UCHL5: variants seen among roughly 807,000 people sequenced by gnomAD.
UCHL5 encodes the protein ubiquitin C-terminal hydrolase L5.
UCHL5 carries 34 observed loss-of-function variants against 53.8 expected under a neutral mutation model. The observed-to-expected ratio is 0.63, with a 90% CI of 0.48 to 0.84. The LOEUF (loss-of-function observed/expected upper bound fraction) is 0.84, where lower values mean the gene tolerates loss of function less well. UCHL5 is among the 40% of genes least tolerant of loss of function. The pLI is 0.00. For synonymous variants in UCHL5, 111 were observed against 126.3 expected (o/e 0.88, Z 0.81); for missense variants, 290 against 385.6 (o/e 0.75, Z 2.08).
chr1:193,017,291 A>G (rs1655185697), intron 10 of UCHL5, among the ~76,000 whole-genome samples: 2 of 151,856 alleles, frequency 1.3e-5, no homozygotes, highest in South Asian at 4.1e-4. Flanking sequence ...AGACTTCTAC[A>G]TTATACAACT....
At chr1:193,043,161 A>AAAAAAAAAAAAAAAC (rs1666214936) in intron 3 of UCHL5, among the ~76,000 whole-genome samples, 1 of 143,620 alleles carries the variant, frequency 7.0e-6, no homozygotes, top group South Asian at 2.2e-4. Flanking sequence ...TAAAAAAAAA[A>AAAAAAAAAAAAAAAC]AAAAAAAAAA....
intron 3 of UCHL5, among the ~76,000 whole-genome samples, chr1:193,041,596 T>A (rs1288992894): frequency 6.6e-6 from 1 of 152,206 alleles, no homozygotes; most frequent in Non-Finnish European, 1.5e-5. Flanking sequence ...CACATTTACA[T>A]ATTAGATGAA....
intron 3 of UCHL5, among the ~76,000 whole-genome samples, chr1:193,035,846 T>G (rs2102571904): frequency 6.6e-6 from 1 of 152,074 alleles, no homozygotes; most frequent in East Asian, 1.9e-4. Context: ...AGTCAAAATA[T>G]AAGGGGTAAA....
At chr1:193,051,267 G>A (rs759708217) in intron 2 of UCHL5, among the ~76,000 whole-genome samples, 1 of 152,014 alleles carries the variant, frequency 6.6e-6, no homozygotes, top group Non-Finnish European at 1.5e-5. Flanking sequence ...GAAAGATGGG[G>A]GAAGGAGAAA....
At position 193,048,206 on chromosome 1, in the gene UCHL5, T is replaced by C. The variant is rs879857039; in HGVS notation, c.246+1540A>G. On this transcript the variant is annotated intron_variant, in intron 3 of 10. Coordinates refer to ENST00000367454, the MANE Select transcript of UCHL5 (RefSeq NM_001199261.3). ...TCCAGACAAGGATATCTGGCACATA[T>C]TTTCTTAAAAATGAGTTAAATCAGT... 1.1e-4 allele frequency among the ~76,000 whole-genome samples: 16 copies of C among 152,310 alleles called. No homozygotes were observed. In the East Asian group the frequency reaches 3.1e-3, roughly 29 times the overall value.
At chr1:193,059,754 A>C, upstream of UCHL5, 1 of 1,355,834 alleles carries the variant, frequency 7.4e-7, no homozygotes, top group Non-Finnish European at 9.8e-7. The surrounding 1 kb of genome is among the most constrained non-coding windows in gnomAD (Gnocchi z 4.9). Context: ...CTGCGGATCC[A>C]GGGGGTCGGC....
chr1:193,056,468 CT>C (rs527740262), intron 1 of UCHL5, among the ~76,000 whole-genome samples: 1 of 152,102 alleles, frequency 6.6e-6, no homozygotes, highest in Non-Finnish European at 1.5e-5. Context: ...AAAAATGAAT[CT>C]AGTCCCCATT....
chr1:193,040,315 A>G (rs1477271524), intron 3 of UCHL5, among the ~76,000 whole-genome samples: 1 of 152,206 alleles, frequency 6.6e-6, no homozygotes, highest in Non-Finnish European at 1.5e-5. Flanking sequence ...GATAAAAAAA[A>G]TCAGATTTAA....
chr1:193,054,713 C>T (rs1450238520), intron 1 of UCHL5, among the ~76,000 whole-genome samples: 2 of 152,176 alleles, frequency 1.3e-5, no homozygotes, highest in Non-Finnish European at 2.9e-5. Context: ...GAAAGCCAGG[C>T]ATTATCTCTT....
intron 3 of UCHL5, 50 bp from the exon 4 acceptor site, chr1:193,029,707 T>C: frequency 6.7e-7 from 1 of 1,483,196 alleles, no homozygotes; most frequent in Non-Finnish European, 9.0e-7. Flanking sequence ...AAATAAAAAA[T>C]GGTTTTTAAC....
At chr1:193,031,105 A>G (rs1434083044) in intron 3 of UCHL5, among the ~76,000 whole-genome samples, 1 of 152,200 alleles carries the variant, frequency 6.6e-6, no homozygotes, top group African/African-American at 2.4e-5. Flanking sequence ...ACAGTTCTTT[A>G]GTAAATTTGG....
intron 1 of UCHL5, among the ~76,000 whole-genome samples, chr1:193,052,367 C>T (rs2102873431): frequency 6.6e-6 from 1 of 152,194 alleles, no homozygotes; most frequent in South Asian, 2.1e-4. Flanking sequence ...GAACATTTGG[C>T]AATGATAGAC....
chr1:193,041,819 A>G (rs536761079), intron 3 of UCHL5, among the ~76,000 whole-genome samples: 1 of 152,274 alleles, frequency 6.6e-6, no homozygotes, highest in East Asian at 1.9e-4. Flanking sequence ...TCTTAACAAT[A>G]TAATATTAAG....
intron 9 of UCHL5, among the ~76,000 whole-genome samples, chr1:193,021,718 C>G (rs1657075627): frequency 6.6e-6 from 1 of 152,160 alleles, no homozygotes; most frequent in South Asian, 2.1e-4. Context: ...ATTATATATT[C>G]TGCCTGGTAG....
At chr1:193,033,440 T>A (rs1031212357) in intron 3 of UCHL5, among the ~76,000 whole-genome samples, 1 of 152,024 alleles carries the variant, frequency 6.6e-6, no homozygotes. Context: ...GATGGGTCGA[T>A]CAGTGCAGTA....
At chr1:193,059,533 T>C (rs779889336), upstream of UCHL5, 3 of 1,562,512 alleles carry the variant, frequency 1.9e-6, no homozygotes, top group East Asian at 4.9e-5. This position sits in a 1 kb window ranked among gnomAD's most constrained non-coding sequence, Gnocchi z 4.9. Context: ...GAAAGGGCGG[T>C]GATTCACAGC....
intron 3 of UCHL5, among the ~76,000 whole-genome samples, chr1:193,043,175 A>AAAAAAAAAAAAAAAAC (rs1558123160): frequency 2.0e-5 from 3 of 147,840 alleles, no homozygotes; most frequent in African/African-American, 7.5e-5. Context: ...AAAAAAAAAA[A>AAAAAAAAAAAAAAAAC]ACCACCTATT....
At chr1:193,054,870 T>C (rs1255693095) in intron 1 of UCHL5, among the ~76,000 whole-genome samples, 3 of 152,210 alleles carry the variant, frequency 2.0e-5, no homozygotes, top group African/African-American at 7.2e-5. Context: ...CTCTTCCTCC[T>C]TGCATGACAA....
At chr1:193,053,127 G>GA (rs990313468) in intron 1 of UCHL5, among the ~76,000 whole-genome samples, 2 of 152,056 alleles carry the variant, frequency 1.3e-5, no homozygotes, top group Non-Finnish European at 2.9e-5. Context: ...AGGAGAACCA[G>GA]AAAAAATCTG....
Sources: allele counts gnomAD v4.1 joint callset (sites outside exome capture counted in the v4.1 genomes callset), GRCh38; gene constraint gnomAD v4.1.1; non-coding constraint Gnocchi (gnomAD v3.1); transcripts MANE v1.5; gene names NCBI Gene and HGNC (gene_info 2026-07-23, HGNC 2026-07-21).